The following LRP1B variants were observed in gnomAD, a reference collection of about 807,000 sequenced individuals.
The protein encoded by LRP1B is low-density lipoprotein receptor-related protein 1B.
LRP1B carries 217 observed loss-of-function variants against 556.6 expected under a neutral mutation model. That is an observed-to-expected ratio of 0.39 (90% CI 0.35 to 0.44). LRP1B has a LOEUF of 0.44. Among genes scored for constraint, LRP1B ranks in the 20% least tolerant of loss-of-function variants. The pLI is 1.00. For missense variants in LRP1B, 5,053 were observed against 5,620.8 expected (o/e 0.90, Z 3.23); for synonymous variants, 2,047 against 1,865.8 (o/e 1.10, Z -2.50).
chr2:141,581,318 T>C (rs1686951574), intron 2 of LRP1B, among the ~76,000 whole-genome samples: 1 of 152,206 alleles, frequency 6.6e-6, no homozygotes, highest in Admixed American at 6.5e-5. Flanking sequence ...CCCTAGGTAA[T>C]ACACTTTAAG....
At chr2:141,032,796 G>C (rs960620532) in intron 11 of LRP1B, among the ~76,000 whole-genome samples, 5 of 98,524 alleles carry the variant, frequency 5.1e-5, no homozygotes, top group African/African-American at 1.9e-4. Context: ...TTTTAACGCA[G>C]GTATATGTGT....
intron 2 of LRP1B, among the ~76,000 whole-genome samples, chr2:141,719,149 T>A (rs1232565697): frequency 6.6e-6 from 1 of 152,150 alleles, no homozygotes; most frequent in African/African-American, 2.4e-5. Context: ...ATTACTATCA[T>A]CTCTAATATT....
At chr2:141,100,506 A>G (rs1216881214) in intron 7 of LRP1B, among the ~76,000 whole-genome samples, 4 of 152,194 alleles carry the variant, frequency 2.6e-5, no homozygotes, top group Non-Finnish European at 2.9e-5. Flanking sequence ...CACTGGGATC[A>G]CCATGTTGAT....
At chr2:140,904,716 T>C (rs1446241545) in intron 22 of LRP1B, among the ~76,000 whole-genome samples, 1 of 152,156 alleles carries the variant, frequency 6.6e-6, no homozygotes, top group Non-Finnish European at 1.5e-5. Context: ...CCTCCAAATA[T>C]GTTTGTTCAC....
rs185648127 is a variant in LRP1B at position 141,121,141 on chromosome 2, C to T, written c.1014-58868G>A. On this transcript the variant is annotated intron_variant, in intron 7 of 90. Transcript: ENST00000389484. ...AATTAATCTGTGTAAATCTCAGTTT[C>T]CTCATCCATGAAATGAAAAAATTAA... is the stretch of plus-strand genomic sequence containing the variant. Among the ~76,000 whole-genome samples, 11 of 152,088 alleles carry T rather than the reference C, an allele frequency of 7.2e-5. 1 individual carries two copies. In the East Asian group the frequency reaches 1.5e-3, roughly 21 times the overall value.
chr2:141,360,783 G>A (rs1041036517), intron 3 of LRP1B, among the ~76,000 whole-genome samples: 18 of 152,094 alleles, frequency 1.2e-4, no homozygotes, highest in Middle Eastern at 3.2e-3. Context: ...ACTTTCATTC[G>A]CTATATAGGA....
At chr2:140,317,482 G>A (rs1444492008) in intron 82 of LRP1B, among the ~76,000 whole-genome samples, 3 of 150,498 alleles carry the variant, frequency 2.0e-5, no homozygotes, top group Non-Finnish European at 4.4e-5. Context: ...GGAACACAAG[G>A]ATGATGGGAA....
intron 2 of LRP1B, among the ~76,000 whole-genome samples, chr2:141,630,422 A>G (rs970806051): frequency 1.3e-5 from 2 of 152,262 alleles, no homozygotes; most frequent in African/African-American, 4.8e-5. Context: ...TGTCACGTTC[A>G]GAACTTCTTT....
intron 2 of LRP1B, among the ~76,000 whole-genome samples, chr2:141,524,417 A>G (rs962097277): frequency 2.6e-5 from 4 of 152,098 alleles, no homozygotes; most frequent in African/African-American, 7.2e-5. Context: ...TCTAGAGTTC[A>G]CTAAGACTCG....
chr2:140,989,948 G>A (rs560540482), intron 16 of LRP1B, among the ~76,000 whole-genome samples: 8 of 152,224 alleles, frequency 5.3e-5, no homozygotes, highest in African/African-American at 1.9e-4. Flanking sequence ...GCTCACGCCT[G>A]TAATCCCAGC....
chr2:141,904,591 G>A (rs1699704978), intron 1 of LRP1B, among the ~76,000 whole-genome samples: 1 of 151,818 alleles, frequency 6.6e-6, no homozygotes, highest in Non-Finnish European at 1.5e-5. Context: ...TAAGAGATGG[G>A]GTCCAGACTC....
chr2:141,743,501 C>CTTTTTTTTTTTTTTTTTTTTT (rs796287062), intron 2 of LRP1B, among the ~76,000 whole-genome samples: 15 of 119,036 alleles, frequency 1.3e-4, no homozygotes, highest in Non-Finnish European at 1.8e-4. Flanking sequence ...TTTTTTTTTT[C>CTTTTTTTTTTTTTTTTTTTTT]TTTTTTTTTT....
At chr2:140,917,908 G>C (rs1270854281) in intron 21 of LRP1B, among the ~76,000 whole-genome samples, 3 of 152,112 alleles carry the variant, frequency 2.0e-5, no homozygotes, top group Non-Finnish European at 4.4e-5. Context: ...CTTTGGTGCA[G>C]TATATTGACA....
chr2:141,219,555 C>T (rs1331447176), intron 6 of LRP1B, among the ~76,000 whole-genome samples: 2 of 152,208 alleles, frequency 1.3e-5, no homozygotes, highest in Admixed American at 1.3e-4. Context: ...CTCCCCAGTG[C>T]AGCCAAACCT....
intron 2 of LRP1B, among the ~76,000 whole-genome samples, chr2:141,531,421 T>G (rs1411422779): frequency 6.6e-6 from 1 of 152,140 alleles, no homozygotes; most frequent in Non-Finnish European, 1.5e-5. Context: ...CTTTTCAAAT[T>G]ATATTACTAC....
intron 1 of LRP1B, among the ~76,000 whole-genome samples, chr2:141,902,061 TAAC>T (rs1309380969): frequency 1.3e-4 from 5 of 37,668 alleles, no homozygotes; most frequent in African/African-American, 3.5e-4. Flanking sequence ...AAAAAAGAAA[TAAC>T]AAAAAATTAT....
At chr2:141,688,095 G>A (rs563117407) in intron 2 of LRP1B, among the ~76,000 whole-genome samples, 5 of 151,008 alleles carry the variant, frequency 3.3e-5, no homozygotes, top group Non-Finnish European at 7.4e-5. Context: ...TCAACATTAA[G>A]TCATGGGCTA....
intron 1 of LRP1B, among the ~76,000 whole-genome samples, chr2:141,859,158 C>A (rs1170448489): frequency 6.6e-6 from 1 of 152,178 alleles, no homozygotes; most frequent in Non-Finnish European, 1.5e-5. Flanking sequence ...ACATTGCTTC[C>A]TTTTCCCTCA....
At chr2:142,108,808 T>C (rs1324266192) in intron 1 of LRP1B, among the ~76,000 whole-genome samples, 2 of 152,200 alleles carry the variant, frequency 1.3e-5, no homozygotes, top group African/African-American at 4.8e-5. Context: ...GATTATCTTA[T>C]ATAAGACACA....
Sources: gnomAD v4.1 joint callset for allele counts (sites outside exome capture counted in the v4.1 genomes callset) on GRCh38, gnomAD v4.1.1 for gene constraint, MANE v1.5 for transcripts, NCBI Gene and HGNC (gene_info 2026-07-23, HGNC 2026-07-21) for gene names.